The following MGAM variants were observed in gnomAD, a reference collection of about 807,000 sequenced individuals.
MGAM encodes alpha-1,4-glucosidase.
In MGAM, 253 loss-of-function variants were observed where a neutral mutation model predicts 358.8. The ratio of observed to expected loss-of-function variants is 0.71; its 90% CI spans 0.64 to 0.78. MGAM has a LOEUF of 0.78. Ranked by LOEUF, MGAM falls within the 30% of genes least tolerant of loss-of-function variation. MGAM has a pLI of 0.00. For missense variants in MGAM, 3,080 were observed against 3,432.6 expected, an observed-to-expected ratio of 0.90 and a Z score of 2.57; for synonymous variants, 1,105 against 1,227.1, an observed-to-expected ratio of 0.90 and a Z score of 2.08.
intron 57 of MGAM, among the ~76,000 whole-genome samples, chr7:142,087,171 T>C (rs1814833743): frequency 6.9e-6 from 1 of 145,214 alleles, no homozygotes; most frequent in Non-Finnish European, 1.6e-5. Context: ...CTTTTTTTTT[T>C]CCATGAACAC....
Position 142,094,813 on chromosome 7 carries a change from C to A in MGAM, c.7408C>A (p.Leu2470Met). The A allele has an allele frequency of 6.2e-7, 1 of 1,613,940 alleles. No homozygotes were observed. Among genetic ancestry groups the A allele is most frequent in the Non-Finnish European group, 8.5e-7 (1 of 1,179,880 alleles). The stretch of plus-strand genomic sequence containing the variant: ...TGAGATGTGTGTTCGCTGGATGCAG[C>A]TGGGGGCCTTTTACCCCTTCTCAAG... ...EYEMCVRWMQ[L>M]GAFYPFSRNH... The change falls in exon 63 of 71, where the codon CTG becomes ATG. Residue 2470 changes from leucine to methionine, a missense_variant. Around this residue, in one of 5 missense-constraint regions of MGAM, gnomAD observed 932 missense variants for 1,198.2 expected, o/e 0.78. Transcript: ENST00000475668.
chr7:141,999,085 C>T (rs80047921), intron 1 of MGAM, among the ~76,000 whole-genome samples: 7 of 152,134 alleles, frequency 4.6e-5, no homozygotes, highest in African/African-American at 7.2e-5. Context: ...AGTCTCATGA[C>T]GGCAGGGATT....
intron 1 of MGAM, among the ~76,000 whole-genome samples, chr7:142,000,016 A>G (rs1378591480): frequency 2.0e-5 from 3 of 152,214 alleles, no homozygotes; most frequent in Admixed American, 2.0e-4. Context: ...GACTATTAAT[A>G]AACAGCAAAC....
At position 142,088,788 on chromosome 7, in the gene MGAM, T is replaced by TC. The variant is rs1563214292; in HGVS notation, c.6810+2072dup. Among the ~76,000 whole-genome samples the TC allele has an allele frequency of 9.5e-4, 128 of 134,294 alleles. 3 individuals carry two copies. Among genetic ancestry groups the TC allele is most frequent in the South Asian group, 3.1e-3 (12 of 3,920 alleles). 88.1% of individuals were successfully genotyped at this position (134,294 alleles called of 152,430 possible). On this transcript the variant is annotated intron_variant, in intron 57 of 70. Transcript: ENST00000475668. ...ATCTATCTATCTATCTATCTATCTA[T>TC]CTATCTATCTATCATTCTATCCTAT... is the stretch of plus-strand genomic sequence containing the variant.
At chr7:142,024,608 C>T (rs1183359031) in intron 7 of MGAM, among the ~76,000 whole-genome samples, 2 of 152,104 alleles carry the variant, frequency 1.3e-5, no homozygotes, top group Non-Finnish European at 2.9e-5. Flanking sequence ...GTCTGGGGTG[C>T]AGTCTAGGTT....
Position 142,103,438 on chromosome 7 carries a change from A to G in MGAM, c.8183A>G (p.Gln2728Arg), listed in dbSNP as rs200238903. 134 of 1,596,702 alleles carry G rather than the reference A, an allele frequency of 8.4e-5. No homozygotes were observed. The African/African-American group carries it at 1.5e-3, about 18-fold the overall frequency. ...TCCTTCAACAATGACCCCACGACAC[A>G]GGTTTGTGACCAGCAAAAAGTGCGA... ...TPSFNNDPTTQVLSIDVTDRN... is the reference protein window; with the variant it reads ...TPSFNNDPTTRVLSIDVTDRN... Residue 2728 changes from glutamine (Q) to arginine (R), a missense_variant and splice_region_variant, in exon 70 of 71, where the codon CAG becomes CGG. Physicochemically the swap from Gln to Arg is conservative, Grantham distance 43. Around this residue, in one of 5 missense-constraint regions of MGAM, gnomAD observed 194 missense variants for 172.8 expected, o/e 1.12. Transcript: ENST00000475668.
chr7:142,076,131 G>C, intron 45 of MGAM, 72 bp from the exon 46 acceptor site: 1 of 1,166,296 alleles, frequency 8.6e-7, no homozygotes, highest in Non-Finnish European at 1.3e-6. Context: ...TAACTGAAAA[G>C]AGTGGGAGTG....
At chr7:142,065,134 T>C (rs1159976888) in intron 37 of MGAM, among the ~76,000 whole-genome samples, 1 of 152,158 alleles carries the variant, frequency 6.6e-6, no homozygotes, top group Non-Finnish European at 1.5e-5. Flanking sequence ...AGTGAAGTTC[T>C]TTGTAAAGCA....
At chr7:142,025,557 G>T (rs1554460649) in intron 8 of MGAM, among the ~76,000 whole-genome samples, 1 of 152,108 alleles carries the variant, frequency 6.6e-6, no homozygotes, top group African/African-American at 2.4e-5. Flanking sequence ...TTGATGGTGG[G>T]CATAGGGTAT....
chr7:142,050,673 TACTTGG>T lies in MGAM; in HGVS notation c.2638-19_2638-14del. Reference sequence around the variant, plus strand: ...GTGTATACTCATATACCTTTATGCATACTTGGACTTAATTGTTTTGCAGAACCGCTT... The same window carrying T: ...GTGTATACTCATATACCTTTATGCATACTTAATTGTTTTGCAGAACCGCTT... On this transcript the variant is annotated intron_variant, in intron 23 of 70. Transcript: ENST00000475668. 5.6e-6 allele frequency: 9 copies of T among 1,606,176 alleles called. No individual in the cohort carries two copies. The highest frequency in any genetic ancestry group is 7.7e-6 in the Non-Finnish European group (9 of 1,173,726).
At chr7:142,007,737 C>G (rs1310699918) in intron 2 of MGAM, among the ~76,000 whole-genome samples, 4 of 152,066 alleles carry the variant, frequency 2.6e-5, no homozygotes, top group Admixed American at 6.5e-5. Flanking sequence ...TTCACTAGCC[C>G]TTAGGTAAGT....
At chr7:142,098,223 TG>T (rs67894263) in intron 66 of MGAM, among the ~76,000 whole-genome samples, 135,539 of 151,976 alleles carry the variant, frequency 0.89, 62,216 homozygotes, top group Non-Finnish European at 1. Flanking sequence ...GAGGAAGCAA[TG>T]AAGAGCTCCT....
In MGAM at chr7:142,034,922, C is replaced by A; in HGVS notation, c.1959+81C>A. The A allele has an allele frequency of 2.9e-6, 4 of 1,368,808 alleles. No homozygotes were observed. In the East Asian group the frequency reaches 9.4e-5, roughly 32 times the overall value. The allele number at this position is 1,368,808 out of a possible 1,614,324, so 84.8% of individuals were successfully genotyped here. The stretch of plus-strand genomic sequence containing the variant: ...TAGAAAGTTTTCAAACCACAAAGCT[C>A]CCCTCTCCTGCCTGCCATGGCTGGG... On this transcript the variant is annotated intron_variant, in intron 16 of 70. Coordinates refer to ENST00000475668, the MANE Select transcript of MGAM (RefSeq NM_001365693.1).
At position 142,059,850 on chromosome 7, in the gene MGAM, T is replaced by C; in HGVS notation, c.3949-6T>C. 1 of 1,605,776 alleles carries C rather than the reference T, an allele frequency of 6.2e-7. No individual in the cohort carries two copies. Among genetic ancestry groups the C allele is most frequent in the Non-Finnish European group, 8.5e-7 (1 of 1,175,842 alleles). On this transcript the variant is annotated splice_polypyrimidine_tract_variant and splice_region_variant and intron_variant, in intron 32 of 70. Coordinates refer to ENST00000475668, the MANE Select transcript of MGAM (RefSeq NM_001365693.1). ...TTTTCCCAACTGACTTATGCTTTGA[T>C]TTCAGGATCCAGCCATTTCTGGCAA... is the stretch of plus-strand genomic sequence containing the variant.
intron 1 of MGAM, among the ~76,000 whole-genome samples, chr7:141,998,373 A>T (rs1279272328): frequency 6.6e-6 from 1 of 152,088 alleles, no homozygotes; most frequent in African/African-American, 2.4e-5. Context: ...CCCCACATGC[A>T]TTAGGTATTT....
In MGAM at chr7:142,082,185, T is replaced by G; in HGVS notation, c.6146T>G (p.Met2049Arg). The G allele has an allele frequency of 6.4e-7, 1 of 1,555,064 alleles. No homozygotes were observed. Among genetic ancestry groups the G allele is most frequent in the Non-Finnish European group, 8.8e-7 (1 of 1,132,290 alleles). ...RRDLEWHTWG[M>R]FSRDQPPGYK... ...GACTTGGAGTGGCACACTTGGGGGA[T>G]GTTCTCCCGAGACCAGCCCCCAGGG... Residue 2049 changes from methionine to arginine, a missense_variant, in exon 51 of 71, where the codon ATG (methionine) becomes AGG (arginine). By Grantham distance (91) the Met-to-Arg change is moderately conservative. This residue lies in a region of MGAM where 932 missense variants were observed against 1,198.2 expected (regional missense o/e 0.78). Coordinates refer to ENST00000475668, the MANE Select transcript of MGAM (RefSeq NM_001365693.1).
intron 1 of MGAM, among the ~76,000 whole-genome samples, chr7:142,005,069 T>C (rs1337277572): frequency 3.9e-5 from 6 of 152,068 alleles, no homozygotes; most frequent in African/African-American, 9.7e-5. Context: ...ATTCTGTTTA[T>C]TAAAAAATAC....
At chr7:142,059,810 A>T in intron 32 of MGAM, 46 bp from the exon 33 acceptor site, 1 of 1,583,256 alleles carries the variant, frequency 6.3e-7, no homozygotes, top group Non-Finnish European at 8.6e-7. Flanking sequence ...GTTTCTCCTC[A>T]TTCTCTGGCT....
upstream of MGAM, among the ~76,000 whole-genome samples, chr7:141,992,053 A>C (rs782767891): frequency 1.3e-5 from 2 of 152,176 alleles, no homozygotes; most frequent in Non-Finnish European, 2.9e-5. Flanking sequence ...TTTGGGGTCG[A>C]ATGAGAGATT....
Sources: allele counts gnomAD v4.1 joint callset (sites outside exome capture counted in the v4.1 genomes callset), GRCh38; gene constraint gnomAD v4.1.1; regional missense constraint gnomAD v4.1.1; transcripts MANE v1.5; gene names NCBI Gene and HGNC (gene_info 2026-07-23, HGNC 2026-07-21).